NRG2: variants seen among roughly 807,000 people sequenced by gnomAD.
The protein encoded by NRG2 is pro-neuregulin-2, membrane-bound isoform.
In NRG2, 27 loss-of-function variants were observed where a neutral mutation model predicts 73.9. That is an observed-to-expected ratio of 0.37 (90% confidence interval 0.27 to 0.50). NRG2 has a LOEUF of 0.50. NRG2 is among the 20% of genes least tolerant of loss of function. NRG2 has a pLI of 0.96. For missense variants in NRG2, 1,126 were observed against 1,210.1 expected (o/e 0.93, Z 1.03); for synonymous variants, 532 against 541.0 (o/e 0.98, Z 0.23).
chr5:140,014,344 C>G (rs1759605677), intron 1 of NRG2, among the ~76,000 whole-genome samples: 1 of 152,048 alleles, frequency 6.6e-6, no homozygotes, highest in Non-Finnish European at 1.5e-5. Context: ...TCAAGCATTT[C>G]TCGTGCCTCA....
chr5:139,939,717 G>T (rs904217341), intron 1 of NRG2, among the ~76,000 whole-genome samples: 1 of 152,086 alleles, frequency 6.6e-6, no homozygotes, highest in Non-Finnish European at 1.5e-5. Flanking sequence ...TCTGCAAAAC[G>T]TATCTGACAA....
chr5:139,908,195 A>G (rs1765362813), intron 1 of NRG2, among the ~76,000 whole-genome samples: 1 of 152,226 alleles, frequency 6.6e-6, no homozygotes, highest in South Asian at 2.1e-4. Flanking sequence ...CTGCCAGCTG[A>G]GGCTTTTGGG....
chr5:139,906,046 C>T (rs577033691), intron 1 of NRG2, among the ~76,000 whole-genome samples: 4 of 152,172 alleles, frequency 2.6e-5, no homozygotes, highest in South Asian at 4.2e-4. Context: ...CTCACTCTGT[C>T]GCCCAGGCTG....
In NRG2 at chr5:139,853,580, A is replaced by G. The variant is rs749587481; in HGVS notation, c.1293-553T>C. Among the ~76,000 whole-genome samples, 7 of 152,256 alleles carry G rather than the reference A, an allele frequency of 4.6e-5. No homozygotes were observed. Among genetic ancestry groups the G allele is most frequent in the East Asian group, 1.9e-4 (1 of 5,206 alleles). The stretch of plus-strand genomic sequence containing the variant: ...CAAAGCAATGAACTAGATACTTTCA[A>G]TAAAGTTCCATGAAGAAAATAAAAC... On this transcript the variant is annotated intron_variant, in intron 6 of 9. Transcript: ENST00000361474. The surrounding 1 kb of genome is among the most constrained non-coding windows in gnomAD (Gnocchi z 4.1).
chr5:139,917,016 C>T (rs1751303974), intron 1 of NRG2, among the ~76,000 whole-genome samples: 1 of 152,158 alleles, frequency 6.6e-6, no homozygotes, highest in South Asian at 2.1e-4. Context: ...GCAGCTGCAC[C>T]ATTTTGCATT....
At chr5:139,989,758 T>TTA (rs1561733493) in intron 1 of NRG2, among the ~76,000 whole-genome samples, 5 of 147,624 alleles carry the variant, frequency 3.4e-5, no homozygotes, top group East Asian at 2.0e-4. Context: ...TTGCTAGGTT[T>TTA]TTATTATTAT....
chr5:139,912,516 T>C (rs1012345003), intron 1 of NRG2, among the ~76,000 whole-genome samples: 2 of 151,910 alleles, frequency 1.3e-5, no homozygotes, highest in Admixed American at 1.3e-4. Flanking sequence ...TTATGGCAGG[T>C]CTCAGGGACC....
At chr5:139,859,678 CCT>C (rs754114133) in intron 5 of NRG2, among the ~76,000 whole-genome samples, 10 of 152,156 alleles carry the variant, frequency 6.6e-5, no homozygotes, top group Non-Finnish European at 1.0e-4. Flanking sequence ...GGTCCGAACC[CCT>C]GAGTGCCCTT....
chr5:139,956,159 T>C (rs1754611826), intron 1 of NRG2, among the ~76,000 whole-genome samples: 1 of 151,994 alleles, frequency 6.6e-6, no homozygotes, highest in Admixed American at 6.5e-5. Flanking sequence ...CCCATTCACA[T>C]GTGCTCCCTC....
chr5:139,979,701 C>T (rs1756647101), intron 1 of NRG2, among the ~76,000 whole-genome samples: 1 of 152,202 alleles, frequency 6.6e-6, no homozygotes, highest in African/African-American at 2.4e-5. Context: ...AGCAGATCTT[C>T]CAAATCCTGC....
At chr5:140,004,797 A>T (rs1758761564) in intron 1 of NRG2, among the ~76,000 whole-genome samples, 1 of 152,232 alleles carries the variant, frequency 6.6e-6, no homozygotes, top group African/African-American at 2.4e-5. Flanking sequence ...TGAAATTCAA[A>T]TAAGGCTTAT....
intron 5 of NRG2, among the ~76,000 whole-genome samples, chr5:139,861,178 G>A (rs1156719288): frequency 2.6e-5 from 4 of 152,170 alleles, no homozygotes; most frequent in African/African-American, 4.8e-5. Flanking sequence ...AAGCCTGGAC[G>A]GCATGAGCTC....
chr5:139,931,778 AG>A (rs1197111733), intron 1 of NRG2, among the ~76,000 whole-genome samples: 4 of 152,266 alleles, frequency 2.6e-5, no homozygotes, highest in Admixed American at 6.5e-5. Flanking sequence ...GGCTCAACTG[AG>A]GATTTAAGAT....
chr5:140,033,044 A>T (rs1330779570), intron 1 of NRG2, among the ~76,000 whole-genome samples: 1 of 152,224 alleles, frequency 6.6e-6, no homozygotes, highest in African/African-American at 2.4e-5. Flanking sequence ...TTCACATATC[A>T]ATTAATTATT....
rs768778297 is a variant in NRG2 at position 139,865,239 on chromosome 5, C to T, written c.1189+310G>A. ...GCAAGACACAGGCATTGCAACACCC[C>T]GGCACGGGCTCCTGCCAATGCCAGC... On this transcript the variant is annotated intron_variant, in intron 5 of 9. Coordinates refer to ENST00000361474, the MANE Select transcript of NRG2 (RefSeq NM_004883.3). The surrounding 1 kb of genome is among the most constrained non-coding windows in gnomAD (Gnocchi z 5.2). 3.8e-5 allele frequency: 51 copies of T among 1,348,970 alleles called. No homozygotes were observed. The highest frequency in any genetic ancestry group is 4.7e-5 in the South Asian group (4 of 84,568). 83.6% of individuals were successfully genotyped at this position (1,348,970 alleles called of 1,614,324 possible). A position where few individuals can be genotyped will look rare whatever the true frequency, so the allele number is the denominator to read the frequency against.
intron 5 of NRG2, among the ~76,000 whole-genome samples, chr5:139,864,836 C>T (rs1762380423): frequency 6.6e-6 from 1 of 152,080 alleles, no homozygotes. Flanking sequence ...GAGGGCTCTG[C>T]AAATGCTTCC....
intron 1 of NRG2, among the ~76,000 whole-genome samples, chr5:139,948,218 C>T (rs1580795905): frequency 6.8e-6 from 1 of 146,888 alleles, no homozygotes; most frequent in Non-Finnish European, 1.5e-5. Context: ...TGTCAATGAA[C>T]TATACCAAAA....
intron 4 of NRG2, among the ~76,000 whole-genome samples, chr5:139,867,795 T>TGA (rs1762569082): frequency 2.5e-5 from 3 of 119,758 alleles, no homozygotes; most frequent in South Asian, 2.8e-4. Context: ...TGTGTGTGTG[T>TGA]GTATGAGTGT....
chr5:139,983,443 G>A (rs1010959298), intron 1 of NRG2, among the ~76,000 whole-genome samples: 3 of 152,166 alleles, frequency 2.0e-5, no homozygotes, highest in African/African-American at 7.2e-5. Flanking sequence ...TCCTCTTCCA[G>A]GGCTTTTCCA....
Sources: gnomAD v4.1 joint callset for allele counts (sites outside exome capture counted in the v4.1 genomes callset) on GRCh38, gnomAD v4.1.1 for gene constraint, Gnocchi (gnomAD v3.1) non-coding constraint, MANE v1.5 for transcripts, NCBI Gene and HGNC (gene_info 2026-07-23, HGNC 2026-07-21) for gene names.